FOXN3: variants seen among roughly 807,000 people sequenced by gnomAD.
The protein encoded by FOXN3 is forkhead box protein N3.
A neutral mutation model predicts 38.4 loss-of-function variants in FOXN3; 7 were observed. The ratio of observed to expected loss-of-function variants is 0.18; its 90% CI spans 0.10 to 0.34. The LOEUF (loss-of-function observed/expected upper bound fraction) is 0.34, where lower values mean the gene tolerates loss of function less well. Ranked by LOEUF, FOXN3 falls within the 10% of genes least tolerant of loss-of-function variation. FOXN3 has a pLI of 1.00. For missense variants in FOXN3, 456 were observed against 613.4 expected, an observed-to-expected ratio of 0.74 and a Z score of 2.71; for synonymous variants, 230 against 242.2, an observed-to-expected ratio of 0.95 and a Z score of 0.47.
rs187200 is a variant in FOXN3 at position 89,591,268 on chromosome 14, A to T, written c.-15+27760T>A. Among the ~76,000 whole-genome samples the T allele has an allele frequency of 2.5e-3, 380 of 152,294 alleles. 1 individual carries two copies. Among genetic ancestry groups the T allele is most frequent in the African/African-American group, 8.8e-3 (367 of 41,564 alleles). ...GAAGGGAGAAGAGATGAGACATCAG[A>T]CTGAAAAGCAGAAGGCAAAAGCTAA... On this transcript the variant is annotated intron_variant, in intron 1 of 6. Transcript: ENST00000345097.
At chr14:89,558,363 A>G (rs1237179262) in intron 1 of FOXN3, among the ~76,000 whole-genome samples, 2 of 152,172 alleles carry the variant, frequency 1.3e-5, no homozygotes, top group African/African-American at 4.8e-5. Flanking sequence ...CAGGAATGCA[A>G]TGGTGCAGAC....
intron 4 of FOXN3, among the ~76,000 whole-genome samples, chr14:89,218,042 A>G (rs980849571): frequency 6.6e-6 from 1 of 152,114 alleles, no homozygotes; most frequent in African/African-American, 2.4e-5. Context: ...TTTTTGAAAA[A>G]CACATACTCT....
At chr14:89,346,597 C>T (rs1039804668) in intron 3 of FOXN3, among the ~76,000 whole-genome samples, 4 of 152,154 alleles carry the variant, frequency 2.6e-5, no homozygotes, top group East Asian at 3.9e-4. Context: ...GAGAGGTACC[C>T]GGTATCAACA....
At chr14:89,422,577 T>C (rs1248926490) in intron 1 of FOXN3, among the ~76,000 whole-genome samples, 6 of 152,174 alleles carry the variant, frequency 3.9e-5, no homozygotes, top group Non-Finnish European at 8.8e-5. Context: ...AGAACGCTGT[T>C]TGTAAGAGTA....
chr14:89,269,120 A>T (rs1414090878), intron 4 of FOXN3, among the ~76,000 whole-genome samples: 1 of 152,164 alleles, frequency 6.6e-6, no homozygotes, highest in Non-Finnish European at 1.5e-5. Context: ...GAGCATCTCT[A>T]CTGGCAGACG....
chr14:89,266,512 A>G (rs1161052714), intron 4 of FOXN3, among the ~76,000 whole-genome samples: 1 of 152,162 alleles, frequency 6.6e-6, no homozygotes, highest in African/African-American at 2.4e-5. Flanking sequence ...GATGCAATTC[A>G]GTCCATAACA....
chr14:89,233,511 T>C (rs1471744368), intron 4 of FOXN3, among the ~76,000 whole-genome samples: 2 of 152,246 alleles, frequency 1.3e-5, no homozygotes, highest in Admixed American at 1.3e-4. Flanking sequence ...TATGAATTTT[T>C]AAATCATATA....
intron 1 of FOXN3, among the ~76,000 whole-genome samples, chr14:89,470,350 C>A (rs1893068977): frequency 6.6e-6 from 1 of 151,880 alleles, no homozygotes; most frequent in African/African-American, 2.4e-5. Context: ...CTCACTGCCA[C>A]CACCATAAAC....
intron 1 of FOXN3, among the ~76,000 whole-genome samples, chr14:89,490,465 G>T (rs1479017690): frequency 6.6e-6 from 1 of 152,202 alleles, no homozygotes; most frequent in Non-Finnish European, 1.5e-5. Context: ...AGCATGTGGA[G>T]GTATTGTCGG....
chr14:89,592,759 T>C (rs1895984207), intron 1 of FOXN3, among the ~76,000 whole-genome samples: 1 of 151,866 alleles, frequency 6.6e-6, no homozygotes, highest in Non-Finnish European at 1.5e-5. Context: ...AAACACCAAA[T>C]GTAGCAAACC....
chr14:89,243,555 G>A (rs1351014235), intron 4 of FOXN3, among the ~76,000 whole-genome samples: 1 of 152,168 alleles, frequency 6.6e-6, no homozygotes, highest in Admixed American at 6.5e-5. Flanking sequence ...TATGAAGAAT[G>A]TATCCTTGAT....
chr14:89,526,143 C>T (rs912913160), intron 1 of FOXN3, among the ~76,000 whole-genome samples: 1 of 152,094 alleles, frequency 6.6e-6, no homozygotes, highest in Admixed American at 6.5e-5. Flanking sequence ...AGAGCATCTA[C>T]AACAAAAAGC....
chr14:89,209,576 T>C (rs962721642), intron 4 of FOXN3, among the ~76,000 whole-genome samples: 5 of 152,208 alleles, frequency 3.3e-5, no homozygotes, highest in African/African-American at 1.2e-4. Flanking sequence ...AGAAATACAG[T>C]TTTTACCAAT....
At chr14:89,286,405 G>A (rs577983171) in intron 3 of FOXN3, among the ~76,000 whole-genome samples, 1 of 152,266 alleles carries the variant, frequency 6.6e-6, no homozygotes, top group East Asian at 1.9e-4. Flanking sequence ...GGGGGAAAAA[G>A]TGGGTGTAGC....
intron 5 of FOXN3, among the ~76,000 whole-genome samples, chr14:89,170,255 C>G (rs1257211546): frequency 6.6e-6 from 1 of 152,130 alleles, no homozygotes. Flanking sequence ...ACAGTCAAAT[C>G]TACATTGGAA....
At chr14:89,531,760 T>A (rs2139836976) in intron 1 of FOXN3, among the ~76,000 whole-genome samples, 1 of 152,278 alleles carries the variant, frequency 6.6e-6, no homozygotes, top group Non-Finnish European at 1.5e-5. Context: ...ACGCTGCTGG[T>A]TCTGGACAAC....
chr14:89,481,088 CT>C (rs11444066), intron 1 of FOXN3, among the ~76,000 whole-genome samples: 110 of 142,710 alleles, frequency 7.7e-4, no homozygotes, highest in Admixed American at 1.3e-3. Flanking sequence ...TGTGGTTAAG[CT>C]TTTTTTTTTT....
chr14:89,417,289 A>AGCGGAGG (rs1192690687), upstream of FOXN3: 1 of 147,142 alleles, frequency 6.8e-6, no homozygotes, highest in Non-Finnish European at 1.5e-5. Context: ...GGAGGGACAG[A>AGCGGAGG]GCGGAGGGCG....
chr14:89,518,151 C>G (rs1324301699), intron 1 of FOXN3, among the ~76,000 whole-genome samples: 1 of 152,198 alleles, frequency 6.6e-6, no homozygotes, highest in African/African-American at 2.4e-5. Context: ...TGCTGAGCAA[C>G]AGACATCACC....
Sources: gnomAD v4.1 joint callset for allele counts (sites outside exome capture counted in the v4.1 genomes callset) on GRCh38, gnomAD v4.1.1 for gene constraint, MANE v1.5 for transcripts, NCBI Gene and HGNC (gene_info 2026-07-23, HGNC 2026-07-21) for gene names.